The following VPS13B variants were observed in gnomAD, a reference collection of about 807,000 sequenced individuals.
VPS13B encodes intermembrane lipid transfer protein VPS13B.
In VPS13B, 285 loss-of-function variants were observed where a neutral mutation model predicts 426.4. The ratio of observed to expected loss-of-function variants is 0.67; its 90% confidence interval spans 0.61 to 0.74. VPS13B has a LOEUF of 0.74. VPS13B is among the 30% of genes least tolerant of loss of function. VPS13B has a pLI of 0.00. For missense variants in VPS13B, 4,537 were observed against 4,782.6 expected, an observed-to-expected ratio of 0.95 and a Z score of 1.51; for synonymous variants, 1,676 against 1,676.4, an observed-to-expected ratio of 1.00 and a Z score of 0.01.
chr8:99,160,002 CATA>C (rs1045028874), intron 15 of VPS13B, among the ~76,000 whole-genome samples: 3 of 151,446 alleles, frequency 2.0e-5, no homozygotes, highest in Non-Finnish European at 4.4e-5. Flanking sequence ...TTTTTTTTGA[CATA>C]ATGTTATTGC....
chr8:99,132,215 C>T (rs1012852266), intron 8 of VPS13B, among the ~76,000 whole-genome samples: 34 of 152,086 alleles, frequency 2.2e-4, no homozygotes, highest in Admixed American at 1.7e-3. Context: ...GAACCTCTGT[C>T]GAAATTGAAG....
intron 3 of VPS13B, among the ~76,000 whole-genome samples, chr8:99,062,450 C>G (rs769362998): frequency 6.6e-6 from 1 of 151,922 alleles, no homozygotes; most frequent in Non-Finnish European, 1.5e-5. Context: ...GAGCATGGGC[C>G]CTGAAAAATA....
chr8:99,708,879 G>A (rs185004349), intron 36 of VPS13B, among the ~76,000 whole-genome samples: 109 of 147,420 alleles, frequency 7.4e-4, no homozygotes, highest in Non-Finnish European at 1.2e-3. Flanking sequence ...TCTCTTTTGC[G>A]CTCTCTATAT....
chr8:99,800,229 C>A (rs993518500), intron 43 of VPS13B, among the ~76,000 whole-genome samples: 1 of 152,094 alleles, frequency 6.6e-6, no homozygotes, highest in Non-Finnish European at 1.5e-5. Context: ...TATCAAAGTT[C>A]TTTGAATCTG....
At chr8:99,731,528 T>C (rs939175446) in intron 39 of VPS13B, among the ~76,000 whole-genome samples, 1 of 152,160 alleles carries the variant, frequency 6.6e-6, no homozygotes. Context: ...TTGATAGGCA[T>C]TGGAGAACCA....
At chr8:99,722,917 T>C (rs1384336881) in intron 39 of VPS13B, among the ~76,000 whole-genome samples, 1 of 152,200 alleles carries the variant, frequency 6.6e-6, no homozygotes, top group Non-Finnish European at 1.5e-5. Context: ...GGCTAAAGGT[T>C]TATAGTTATA....
At chr8:99,055,463 G>T (rs1257556872) in intron 3 of VPS13B, among the ~76,000 whole-genome samples, 2 of 152,174 alleles carry the variant, frequency 1.3e-5, no homozygotes, top group Admixed American at 1.3e-4. Flanking sequence ...TACTGAATCT[G>T]TCAATTGCTT....
At chr8:99,656,843 A>T (rs1428120215) in intron 34 of VPS13B, among the ~76,000 whole-genome samples, 2 of 152,234 alleles carry the variant, frequency 1.3e-5, no homozygotes, top group Non-Finnish European at 2.9e-5. Context: ...CTACAGGCAT[A>T]TGCGAAGTAG....
chr8:99,234,219 A>G, intron 17 of VPS13B: 1 of 776,118 alleles, frequency 1.3e-6, no homozygotes, highest in Non-Finnish European at 2.4e-6. Flanking sequence ...ATGCCCGCTT[A>G]GCTCCTCCAT....
At chr8:99,515,389 G>T (rs1012617181) in intron 29 of VPS13B, among the ~76,000 whole-genome samples, 67 of 151,520 alleles carry the variant, frequency 4.4e-4, no homozygotes, top group African/African-American at 1.5e-3. Flanking sequence ...TGCTGCTGCT[G>T]CTGCTTCTGC....
intron 39 of VPS13B, among the ~76,000 whole-genome samples, chr8:99,760,124 C>T (rs1327901644): frequency 2.0e-5 from 3 of 151,758 alleles, no homozygotes; most frequent in Non-Finnish European, 2.9e-5. Context: ...TTATAGGCGC[C>T]CACCACCACA....
At position 99,115,820 on chromosome 8, in the gene VPS13B, G is replaced by C. The variant is rs1588054059; in HGVS notation, c.883G>C (p.Gly295Arg). 6.2e-7 allele frequency: 1 copy of C among 1,613,650 alleles called. No homozygotes were observed. Among genetic ancestry groups the C allele is most frequent in the Admixed American group, 1.7e-5 (1 of 59,994 alleles). ...TGGAGAAATAGGCAATTTTAAAGAA[G>C]GCGAAATAGAGGACCTTACTTGTCA... ...YYGEIGNFKEGEIEDLTCHNK... is the reference protein window; with the variant it reads ...YYGEIGNFKEREIEDLTCHNK... Residue 295 changes from glycine (G) to arginine (R), a missense_variant, in exon 7 of 62, where the codon GGC becomes CGC. By Grantham distance (125) the Gly-to-Arg change is moderately radical. This residue lies in a region of VPS13B where 4,311 missense variants were observed against 4,474.3 expected (regional missense o/e 0.96). Coordinates refer to ENST00000357162, the MANE Select transcript of VPS13B (RefSeq NM_152564.5).
chr8:99,263,806 AG>A (rs886119240), intron 17 of VPS13B, among the ~76,000 whole-genome samples: 10 of 152,252 alleles, frequency 6.6e-5, no homozygotes, highest in African/African-American at 2.4e-4. Context: ...ACAGGTCCTG[AG>A]GTTTAGCATA....
chr8:99,775,769 G>A (rs1412806330), intron 40 of VPS13B, among the ~76,000 whole-genome samples: 2 of 152,008 alleles, frequency 1.3e-5, no homozygotes, highest in Admixed American at 6.5e-5. Flanking sequence ...ATGGTGGCTG[G>A]CGCCTGTAAT....
At chr8:99,851,168 C>A (rs1263521269) in intron 55 of VPS13B, among the ~76,000 whole-genome samples, 1 of 152,096 alleles carries the variant, frequency 6.6e-6, no homozygotes, top group East Asian at 1.9e-4. Context: ...AACATTTTAT[C>A]TAGGGCATAA....
chr8:99,708,829 G>GTCTCTCTCTC (rs147100515), intron 36 of VPS13B, among the ~76,000 whole-genome samples: 4 of 149,570 alleles, frequency 2.7e-5, no homozygotes, highest in East Asian at 3.9e-4. Flanking sequence ...CTCTCTCTCT[G>GTCTCTCTCTC]TCTCTCTCTC....
chr8:99,674,852 C>G (rs1418598136), intron 35 of VPS13B, among the ~76,000 whole-genome samples: 2 of 152,122 alleles, frequency 1.3e-5, no homozygotes, highest in African/African-American at 2.4e-5. Flanking sequence ...TTATACTCCA[C>G]TACCTCCCTC....
chr8:99,758,471 G>C (rs780244242), intron 39 of VPS13B, among the ~76,000 whole-genome samples: 3 of 152,188 alleles, frequency 2.0e-5, no homozygotes, highest in Non-Finnish European at 4.4e-5. Context: ...AAGAATACTA[G>C]TCTGAGAACG....
intron 5 of VPS13B, among the ~76,000 whole-genome samples, chr8:99,109,656 G>A (rs1847257655): frequency 6.6e-6 from 1 of 152,148 alleles, no homozygotes; most frequent in African/African-American, 2.4e-5. Flanking sequence ...TGGGATTATA[G>A]GCATGAACCA....
Sources: gnomAD v4.1 joint callset for allele counts (sites outside exome capture counted in the v4.1 genomes callset) on GRCh38, gnomAD v4.1.1 for gene constraint, gnomAD v4.1.1 regional missense constraint, MANE v1.5 for transcripts, NCBI Gene and HGNC (gene_info 2026-07-23, HGNC 2026-07-21) for gene names.